The following SLC4A8 variants were observed in gnomAD, a reference collection of about 807,000 sequenced individuals.
The protein encoded by SLC4A8 is solute carrier family 4 member 8.
SLC4A8 carries 40 observed loss-of-function variants against 125.0 expected under a neutral mutation model. The ratio of observed to expected loss-of-function variants is 0.32; its 90% CI spans 0.25 to 0.42. SLC4A8 has a LOEUF of 0.42. Ranked by LOEUF, SLC4A8 falls within the 10% of genes least tolerant of loss-of-function variation. The pLI, the probability that SLC4A8 is intolerant of heterozygous loss-of-function variation, is 1.00. For synonymous variants in SLC4A8, 456 were observed against 476.0 expected, an observed-to-expected ratio of 0.96 and a Z score of 0.55; for missense variants, 863 against 1,355.1, an observed-to-expected ratio of 0.64 and a Z score of 5.70.
intron 22 of SLC4A8, among the ~76,000 whole-genome samples, chr12:51,499,553 T>C (rs546683100): frequency 6.6e-6 from 1 of 151,406 alleles, no homozygotes; most frequent in African/African-American, 2.4e-5. Context: ...GAGCTTACAT[T>C]CTCTTGGAGG....
At chr12:51,483,124 T>C (rs1376474976) in intron 16 of SLC4A8, among the ~76,000 whole-genome samples, 1 of 152,182 alleles carries the variant, frequency 6.6e-6, no homozygotes, top group African/African-American at 2.4e-5. Context: ...CTTCCCTCAG[T>C]GTGCTGCTTC....
chr12:51,426,000 G>T (rs1366547936), intron 1 of SLC4A8, among the ~76,000 whole-genome samples: 1 of 152,166 alleles, frequency 6.6e-6, no homozygotes, highest in Non-Finnish European at 1.5e-5. Context: ...TGTGGTTTCT[G>T]CCTTGGAAAG....
upstream of SLC4A8, chr12:51,424,648 A>T (rs1948895748): frequency 2.9e-6 from 1 of 339,928 alleles, no homozygotes; most frequent in South Asian, 5.5e-5. Flanking sequence ...AAGGACCTTC[A>T]CGCCCAGAGG....
intron 1 of SLC4A8, among the ~76,000 whole-genome samples, chr12:51,438,467 T>C (rs186651688): frequency 6.2e-4 from 94 of 152,362 alleles, no homozygotes; most frequent in Non-Finnish European, 9.7e-4. Flanking sequence ...ATTTCATACT[T>C]TTTATGGCTG....
At chr12:51,400,774 A>G (rs1280939922) in intron 1 of SLC4A8, among the ~76,000 whole-genome samples, 2,104 of 5,066 alleles carry the variant, frequency 0.42, 344 homozygotes, top group Non-Finnish European at 0.46. Flanking sequence ...ATATATATAT[A>G]TATACATACA....
At position 51,458,703 on chromosome 12, in the gene SLC4A8, A is replaced by G. The variant is rs917475969; in HGVS notation, c.855+53A>G. 87 of 1,229,268 alleles carry G rather than the reference A, an allele frequency of 7.1e-5. 1 individual carries two copies. The South Asian group carries it at 1.0e-3, about 15-fold the overall frequency. The allele number at this position is 1,229,268 out of a possible 1,614,324, so 76.1% of individuals were successfully genotyped here. ...CAAGGCCTAAGGTTCCTTTTAGTGG[A>G]ATCCAGAGTTTAATTGCTGGAATCT... is the stretch of plus-strand genomic sequence containing the variant. On this transcript the variant is annotated intron_variant, in intron 7 of 24. Coordinates refer to ENST00000453097, the MANE Select transcript of SLC4A8 (RefSeq NM_001039960.3).
chr12:51,449,242 A>T (rs934563617), intron 2 of SLC4A8, among the ~76,000 whole-genome samples: 2 of 152,086 alleles, frequency 1.3e-5, no homozygotes, highest in Non-Finnish European at 2.9e-5. Context: ...GTTTGAAACA[A>T]GCCTGGGCAA....
Position 51,513,148 on chromosome 12 carries a change from G to A in SLC4A8, c.*5710G>A, listed in dbSNP as rs1002084761. On this transcript the variant is annotated 3_prime_UTR_variant, in exon 25 of 25. Coordinates refer to ENST00000453097, the MANE Select transcript of SLC4A8 (RefSeq NM_001039960.3). ...TACTAAGTGGGTGGATTACTTGCTA[G>A]CCATAACTTTTAGGGAAGGGTAGGT... 8 of 152,228 alleles carry A rather than the reference G, an allele frequency of 5.3e-5. No homozygotes were observed. Among genetic ancestry groups the A allele is most frequent in the African/African-American group, 1.9e-4 (8 of 41,464 alleles). 9.4% of individuals were successfully genotyped at this position (152,228 alleles called of 1,614,324 possible).
Position 51,471,413 on chromosome 12 carries a change from A to G in SLC4A8, c.1785A>G (p.Glu595=), listed in dbSNP as rs764249935. Residue 595 remains glutamate (E), a synonymous_variant, in exon 14 of 25, where the codon GAA becomes GAG. Transcript: ENST00000453097. The part of the protein sequence containing the change: ...LVCYITRFTE[E]AFASLICIIF... ...GCTACATTACCCGTTTCACTGAAGA[A>G]GCATTTGCCTCCCTAATTTGCATTA... 6.2e-7 allele frequency: 1 copy of G among 1,614,238 alleles called. No homozygotes were observed. The highest frequency in any genetic ancestry group is 8.5e-7 in the Non-Finnish European group (1 of 1,180,038).
At chr12:51,447,516 A>C (rs574647292) in intron 2 of SLC4A8, among the ~76,000 whole-genome samples, 15 of 152,274 alleles carry the variant, frequency 9.9e-5, no homozygotes, top group African/African-American at 3.6e-4. Flanking sequence ...TCCAGAAAGC[A>C]CTGGCACATT....
chr12:51,491,953 C>A (rs1341861027), intron 19 of SLC4A8, among the ~76,000 whole-genome samples: 1 of 151,940 alleles, frequency 6.6e-6, no homozygotes, highest in African/African-American at 2.4e-5. Context: ...AGTAGAAATC[C>A]AATTATAGGT....
At chr12:51,394,951 C>T (rs1948228745) in intron 1 of SLC4A8, among the ~76,000 whole-genome samples, 1 of 151,980 alleles carries the variant, frequency 6.6e-6, no homozygotes. Flanking sequence ...ATTGCTTGAG[C>T]CTAGGAGTTA....
At chr12:51,448,266 A>T (rs1352981417) in intron 2 of SLC4A8, among the ~76,000 whole-genome samples, 1 of 152,148 alleles carries the variant, frequency 6.6e-6, no homozygotes, top group Non-Finnish European at 1.5e-5. Context: ...TTAAAGTGGG[A>T]GTTTTGATGG....
intron 20 of SLC4A8, 150 bp downstream of exon 20, chr12:51,493,922 G>C (rs1243082225): frequency 1.5e-6 from 1 of 661,042 alleles, no homozygotes; most frequent in South Asian, 1.9e-5. Flanking sequence ...ACATGTATTT[G>C]GATATAGGGA....
intron 16 of SLC4A8, 127 bp downstream of exon 16, chr12:51,475,333 A>G (rs370955982): frequency 3.6e-6 from 3 of 842,190 alleles, no homozygotes; most frequent in Middle Eastern, 2.6e-4. Context: ...GATGAGCCAC[A>G]CTGGCATTCT....
intron 1 of SLC4A8, among the ~76,000 whole-genome samples, chr12:51,427,860 C>T (rs1394251945): frequency 1.3e-5 from 2 of 152,186 alleles, no homozygotes; most frequent in Non-Finnish European, 2.9e-5. Context: ...CACATGGCAG[C>T]CACAGGGAGC....
intron 16 of SLC4A8, among the ~76,000 whole-genome samples, chr12:51,485,072 GC>G (rs1407781696): frequency 6.6e-6 from 1 of 152,118 alleles, no homozygotes; most frequent in Non-Finnish European, 1.5e-5. Context: ...AGCAGAGTGG[GC>G]AAGCAGGAGA....
rs142298409 is a variant in SLC4A8 at position 51,399,029 on chromosome 12, G to A, written c.-112+7541G>A. Among the ~76,000 whole-genome samples the A allele has an allele frequency of 5.3e-5, 8 of 152,330 alleles. No homozygotes were observed. In the East Asian group the frequency reaches 5.8e-4, roughly 11 times the overall value. ...CTCCCAAAGTGCTGGGATTACAGGC[G>A]TGAGCCACCACACCTGGCTGAAGTT... On this transcript the variant is annotated intron_variant, in intron 1 of 24. Coordinates refer to the SLC4A8 transcript ENST00000358657.
At chr12:51,446,370 G>T (rs1245903367) in intron 2 of SLC4A8, among the ~76,000 whole-genome samples, 1 of 152,162 alleles carries the variant, frequency 6.6e-6, no homozygotes, top group Non-Finnish European at 1.5e-5. Flanking sequence ...AATCCTTACT[G>T]TTTGTTTTTT....
Sources: gnomAD v4.1 joint callset for allele counts (sites outside exome capture counted in the v4.1 genomes callset) on GRCh38, gnomAD v4.1.1 for gene constraint, MANE v1.5 for transcripts, NCBI Gene and HGNC (gene_info 2026-07-23, HGNC 2026-07-21) for gene names.